The following BRD10 variants were observed in gnomAD, a reference collection of about 807,000 sequenced individuals.
The protein encoded by BRD10 is bromodomain containing 10.
chr9:5,922,345 T>C, the BRD10 span: 1 of 1,613,996 alleles, frequency 6.2e-7, no homozygotes, highest in East Asian at 2.2e-5. Context: ...AGAATGTGGC[T>C]GCTGAAACTG....
chr9:5,924,590 C>A, the BRD10 span: 1 of 929,024 alleles, frequency 1.1e-6, no homozygotes, highest in South Asian at 3.1e-5. Context: ...TATCTTTTGC[C>A]TTCACAGCAA....
At chr9:6,006,038 C>T in the BRD10 span, among the ~76,000 whole-genome samples, 1 of 152,148 alleles carries the variant, frequency 6.6e-6, no homozygotes, top group Non-Finnish European at 1.5e-5. Context: ...AGTGACAAAT[C>T]AAGAACCAAA....
chr9:5,900,620 T>A, the BRD10 span, among the ~76,000 whole-genome samples: 1 of 152,222 alleles, frequency 6.6e-6, no homozygotes, highest in Non-Finnish European at 1.5e-5. Flanking sequence ...ACAATCTTCA[T>A]TAAGCTTGAA....
the BRD10 span, among the ~76,000 whole-genome samples, chr9:5,965,821 AACTG>A: frequency 2.0e-5 from 3 of 152,340 alleles, no homozygotes; most frequent in African/African-American, 7.2e-5. Context: ...GTATGCCCCG[AACTG>A]ACTATGAAAG....
the BRD10 span, among the ~76,000 whole-genome samples, chr9:5,891,919 G>T: frequency 1.3e-5 from 2 of 152,216 alleles, no homozygotes; most frequent in Non-Finnish European, 2.9e-5. Context: ...TGTGCTCAGT[G>T]CTCAACCTCA....
At chr9:5,991,092 T>C in the BRD10 span, among the ~76,000 whole-genome samples, 4 of 152,164 alleles carry the variant, frequency 2.6e-5, no homozygotes, top group Non-Finnish European at 5.9e-5. Flanking sequence ...ATTACACTGC[T>C]AAATGTAAAA....
the BRD10 span, among the ~76,000 whole-genome samples, chr9:5,883,660 C>G: frequency 1.3e-5 from 2 of 151,856 alleles, no homozygotes; most frequent in African/African-American, 4.8e-5. Context: ...GACAGGTTCT[C>G]ACTATCTCTC....
the BRD10 span, among the ~76,000 whole-genome samples, chr9:5,902,004 G>C: frequency 3.7e-5 from 4 of 107,278 alleles, no homozygotes; most frequent in African/African-American, 5.6e-5. Context: ...TCTGGTATTA[G>C]GGTAATGCTG....
At chr9:5,941,896 A>C in the BRD10 span, among the ~76,000 whole-genome samples, 1 of 152,182 alleles carries the variant, frequency 6.6e-6, no homozygotes, top group Non-Finnish European at 1.5e-5. Context: ...AAGTCCCTGC[A>C]GAGAAGCCTC....
the BRD10 span, among the ~76,000 whole-genome samples, chr9:5,904,814 C>T: frequency 1.3e-5 from 2 of 150,678 alleles, no homozygotes; most frequent in African/African-American, 4.9e-5. Flanking sequence ...CACTCCGTTG[C>T]CCAGGCTGGA....
At chr9:5,926,555 G>A in the BRD10 span, among the ~76,000 whole-genome samples, 36 of 151,760 alleles carry the variant, frequency 2.4e-4, no homozygotes, top group African/African-American at 8.0e-4. Context: ...TTTTTGAGAC[G>A]GAGTCTCACT....
At chr9:5,880,127 G>C in the BRD10 span, among the ~76,000 whole-genome samples, 1 of 151,920 alleles carries the variant, frequency 6.6e-6, no homozygotes, top group Non-Finnish European at 1.5e-5. Context: ...CACCATGTTG[G>C]CCAGGCTGGT....
the BRD10 span, among the ~76,000 whole-genome samples, chr9:5,993,136 T>C: frequency 6.6e-6 from 1 of 151,790 alleles, no homozygotes; most frequent in Non-Finnish European, 1.5e-5. Context: ...GCCAACATGG[T>C]GAAACCCCAT....
At chr9:5,954,817 G>A in the BRD10 span, among the ~76,000 whole-genome samples, 13 of 152,030 alleles carry the variant, frequency 8.6e-5, no homozygotes, top group African/African-American at 1.2e-4. Context: ...TAGACCAGGC[G>A]CGGTGGCTCA....
chr9:6,007,797 G>A, the BRD10 span: 15 of 1,502,640 alleles, frequency 1.0e-5, no homozygotes, highest in East Asian at 2.5e-5. Context: ...TGCCCCGGCA[G>A]GCCTAGGCTG....
the BRD10 span, chr9:5,923,345 A>C: frequency 2.1e-6 from 3 of 1,455,206 alleles, no homozygotes; most frequent in East Asian, 4.5e-5. Context: ...TGTTTATATA[A>C]AACAGCAACT....
At chr9:5,969,921 A>G in the BRD10 span, among the ~76,000 whole-genome samples, 14 of 152,346 alleles carry the variant, frequency 9.2e-5, no homozygotes, top group Admixed American at 2.0e-4. Flanking sequence ...AGAAATACAC[A>G]TATCACTTCA....
the BRD10 span, chr9:5,892,365 T>G: frequency 1.5e-5 from 13 of 895,890 alleles, no homozygotes; most frequent in East Asian, 2.7e-5. Context: ...GGTCACCTAG[T>G]GAGGATGCTG....
At chr9:6,008,067 C>A in the BRD10 span, 1 of 983,948 alleles carries the variant, frequency 1.0e-6, no homozygotes. Flanking sequence ...GCACGGCCCT[C>A]GCCGGCCTCA....
Sources: gnomAD v4.1 joint callset for allele counts (sites outside exome capture counted in the v4.1 genomes callset) on GRCh38, gnomAD v4.1.1 for gene constraint, MANE v1.5 for transcripts, NCBI Gene and HGNC (gene_info 2026-07-23, HGNC 2026-07-21) for gene names.